HGSNAT: variants seen among roughly 807,000 people sequenced by gnomAD.
HGSNAT encodes heparan-alpha-glucosaminide N-acetyltransferase.
Under a neutral mutation model 85.2 loss-of-function variants are expected in HGSNAT, and 59 were observed. The ratio of observed to expected loss-of-function variants is 0.69; its 90% CI spans 0.56 to 0.86. The LOEUF is 0.86. HGSNAT is among the 40% of genes least tolerant of loss of function. HGSNAT has a pLI of 0.00. For missense variants in HGSNAT, 756 were observed against 777.1 expected, an observed-to-expected ratio of 0.97 and a Z score of 0.32; for synonymous variants, 321 against 304.5, an observed-to-expected ratio of 1.05 and a Z score of -0.56.
chr8:43,196,980 G>T lies in HGSNAT; in HGVS notation c.1497G>T (p.Arg499=). Residue 499 remains arginine, a synonymous_variant, in exon 15 of 18, where the codon CGG becomes CGT. Coordinates refer to ENST00000379644, the MANE Select transcript of HGSNAT (RefSeq NM_152419.3). The part of the protein sequence containing the change: ...AGKILLYYKA[R]TKDILIRFTA... ...AAATACTATTGTATTACAAGGCTCG[G>T]ACCAAAGACATCCTGATTCGATTCA... The T allele has an allele frequency of 6.2e-7, 1 of 1,612,300 alleles. No homozygotes were observed. Among genetic ancestry groups the T allele is most frequent in the Non-Finnish European group, 8.5e-7 (1 of 1,178,416 alleles).
intron 9 of HGSNAT, among the ~76,000 whole-genome samples, chr8:43,175,043 GC>G (rs1456324726): frequency 1.3e-5 from 2 of 152,126 alleles, no homozygotes; most frequent in Admixed American, 1.3e-4. Context: ...TTCCATCCAT[GC>G]TGTTGCACAT....
chr8:43,164,636 C>T (rs1198559016), intron 5 of HGSNAT, among the ~76,000 whole-genome samples: 8 of 152,128 alleles, frequency 5.3e-5, no homozygotes, highest in Non-Finnish European at 1.0e-4. Context: ...GAAAAATTAG[C>T]TGGGCGTGGC....
intron 5 of HGSNAT, among the ~76,000 whole-genome samples, chr8:43,165,803 T>A (rs1388125905): frequency 6.6e-6 from 1 of 151,912 alleles, no homozygotes; most frequent in Non-Finnish European, 1.5e-5. Flanking sequence ...GGGCATGGTG[T>A]TGCATGCCTG....
Position 43,191,548 on chromosome 8 carries a change from C to T in HGSNAT, c.1203C>T (p.Gly401=), listed in dbSNP as rs756172162. The T allele has an allele frequency of 1.9e-6, 3 of 1,614,006 alleles. No homozygotes were observed. Among genetic ancestry groups the T allele is most frequent in the East Asian group, 2.2e-5 (1 of 44,874 alleles). ...PQWLLILVLE[G]LWLGLTFLLP... Reference sequence around the variant, plus strand: ...GGCTGCTCATCCTGGTGCTGGAAGGCCTGTGGCTGGGCTTGACATTCCTCC... The same window carrying T: ...GGCTGCTCATCCTGGTGCTGGAAGGTCTGTGGCTGGGCTTGACATTCCTCC... The change falls in exon 12 of 18, where the codon GGC becomes GGT. Residue 401 remains glycine, a synonymous_variant. Coordinates refer to ENST00000379644, the MANE Select transcript of HGSNAT (RefSeq NM_152419.3).
At chr8:43,151,588 T>TA (rs776753378) in intron 2 of HGSNAT, among the ~76,000 whole-genome samples, 15 of 152,138 alleles carry the variant, frequency 9.9e-5, no homozygotes, top group African/African-American at 3.4e-4. Context: ...CTGGATAAAT[T>TA]AAAAAAAGCA....
chr8:43,161,267 T>A (rs1803256717), intron 4 of HGSNAT, among the ~76,000 whole-genome samples, 171 bp from the exon 5 acceptor site: 1 of 152,200 alleles, frequency 6.6e-6, no homozygotes, highest in African/African-American at 2.4e-5. Context: ...ATGTTTGATA[T>A]TTTTTATAAT....
At chr8:43,145,055 T>C (rs1802669029) in intron 1 of HGSNAT, among the ~76,000 whole-genome samples, 1 of 152,184 alleles carries the variant, frequency 6.6e-6, no homozygotes, top group Non-Finnish European at 1.5e-5. Context: ...CACAGCTAAG[T>C]GGATGCCATG....
At chr8:43,165,983 A>G (rs1193861698) in intron 5 of HGSNAT, among the ~76,000 whole-genome samples, 1 of 152,232 alleles carries the variant, frequency 6.6e-6, no homozygotes, top group East Asian at 1.9e-4. Context: ...CTTACTGCTG[A>G]TATGGAGAAA....
rs2130715366 is a variant in HGSNAT, at chr8:43,158,980, T to C, written c.429T>C (p.His143=). The change falls in exon 4 of 18, where the codon CAT becomes CAC. Residue 143 remains histidine (H), a synonymous_variant. Coordinates refer to ENST00000379644, the MANE Select transcript of HGSNAT (RefSeq NM_152419.3). ...GNYSLLVKNI[H]NGVSEIACDL... is the part of the protein sequence containing the mutation. ...ATTCTCTCTTGGTAAAGAACATCCA[T>C]AATGGAGTTAGTGAAATTGCCTGTG... The C allele has an allele frequency of 6.2e-7, 1 of 1,613,430 alleles. No individual in the cohort carries two copies. Among genetic ancestry groups the C allele is most frequent in the Non-Finnish European group, 8.5e-7 (1 of 1,179,420 alleles).
At chr8:43,140,638 G>T in intron 1 of HGSNAT, 24 bp downstream of exon 1, 1 of 1,139,982 alleles carries the variant, frequency 8.8e-7, no homozygotes, top group Non-Finnish European at 1.1e-6. Context: ...TCCTACCGCC[G>T]CCCGGCCGGC....
chr8:43,182,470 G>C, intron 11 of HGSNAT: 1 of 587,214 alleles, frequency 1.7e-6, no homozygotes, highest in Non-Finnish European at 3.1e-6. Flanking sequence ...TTGATACAGG[G>C]TCTTGCTGTG....
Position 43,191,471 on chromosome 8 carries a change from C to A in HGSNAT, c.1129-3C>A. The A allele has an allele frequency of 6.2e-7, 1 of 1,612,704 alleles. No homozygotes were observed. Among genetic ancestry groups the A allele is most frequent in the South Asian group, 1.1e-5 (1 of 91,062 alleles). On this transcript the variant is annotated splice_polypyrimidine_tract_variant and splice_region_variant and intron_variant, in intron 11 of 17. Coordinates refer to ENST00000379644, the MANE Select transcript of HGSNAT (RefSeq NM_152419.3). ...CGTGTTTTATTTTTCTGCCCCCACT[C>A]AGGAGAGGAGCTGCCTTTCTCTTCG...
At position 43,201,923 on chromosome 8, in the gene HGSNAT, C is replaced by T. The variant is rs1380453095; in HGVS notation, c.*2354C>T. 4 of 152,208 alleles carry T rather than the reference C, an allele frequency of 2.6e-5. No individual in the cohort carries two copies. Among genetic ancestry groups the T allele is most frequent in the Non-Finnish European group, 5.9e-5 (4 of 68,068 alleles). The allele number at this position is 152,208 out of a possible 1,614,324, so 9.4% of individuals were successfully genotyped here. ...GTTCTTGGGGCCGTGTGGGGACAGTCGTCATTCCTCCTCCTGCCACCCTTT... is the reference window on the plus strand; with the variant it reads ...GTTCTTGGGGCCGTGTGGGGACAGTTGTCATTCCTCCTCCTGCCACCCTTT... On this transcript the variant is annotated 3_prime_UTR_variant, in exon 18 of 18. Coordinates refer to ENST00000379644, the MANE Select transcript of HGSNAT (RefSeq NM_152419.3). The surrounding 1 kb of genome is among the most constrained non-coding windows in gnomAD (Gnocchi z 4.4).
intron 15 of HGSNAT, 120 bp from the exon 16 acceptor site, chr8:43,197,552 T>G: frequency 1.4e-6 from 1 of 730,164 alleles, no homozygotes; most frequent in Non-Finnish European, 2.4e-6. Flanking sequence ...GAGAAAAATA[T>G]AAGGCACAAG....
chr8:43,149,954 T>TTTTA (rs78016846), intron 2 of HGSNAT, among the ~76,000 whole-genome samples: 7,248 of 151,854 alleles, frequency 0.048, 236 homozygotes, highest in South Asian at 0.085. Flanking sequence ...AGACCTTTTA[T>TTTTA]TTTATTTATT....
intron 9 of HGSNAT, among the ~76,000 whole-genome samples, chr8:43,176,275 G>GT (rs1803807865): frequency 6.6e-6 from 1 of 152,122 alleles, no homozygotes; most frequent in Non-Finnish European, 1.5e-5. Context: ...TGAATATCCA[G>GT]TTTTCTAGCA....
chr8:43,174,008 G>A (rs1322129121), intron 9 of HGSNAT: 1 of 270,342 alleles, frequency 3.7e-6, no homozygotes, highest in Non-Finnish European at 7.2e-6. Flanking sequence ...CTGAGGTCAG[G>A]AGTTCAAGAC....
At chr8:43,196,236 A>T (rs959460612) in intron 14 of HGSNAT, 3 of 340,038 alleles carry the variant, frequency 8.8e-6, no homozygotes, top group Non-Finnish European at 1.7e-5. Flanking sequence ...AAGAACTGGC[A>T]CATAAAAAAT....
chr8:43,181,622 C>T (rs1367083492), intron 10 of HGSNAT: 2 of 154,178 alleles, frequency 1.3e-5, no homozygotes, highest in African/African-American at 4.8e-5. Context: ...CAGTAGGATT[C>T]ATTTTAGGGT....
Sources: allele counts gnomAD v4.1 joint callset (sites outside exome capture counted in the v4.1 genomes callset), GRCh38; gene constraint gnomAD v4.1.1; non-coding constraint Gnocchi (gnomAD v3.1); transcripts MANE v1.5; gene names NCBI Gene and HGNC (gene_info 2026-07-23, HGNC 2026-07-21).